The following RIPOR3 variants were observed in gnomAD, a reference collection of about 807,000 sequenced individuals.
RIPOR3 encodes the protein family with sequence similarity 65 member C.
In RIPOR3, 95 loss-of-function variants were observed where a neutral mutation model predicts 114.3. The ratio of observed to expected loss-of-function variants is 0.83; its 90% CI spans 0.70 to 0.99. The LOEUF is 0.99. RIPOR3 is among the 50% of genes least tolerant of loss of function. The pLI, the probability that RIPOR3 is intolerant of heterozygous loss-of-function variation, is 0.00. For synonymous variants in RIPOR3, 575 were observed against 543.8 expected, an observed-to-expected ratio of 1.06 and a Z score of -0.80; for missense variants, 1,252 against 1,266.9, an observed-to-expected ratio of 0.99 and a Z score of 0.18.
chr20:50,596,070 G>A, intron 15 of RIPOR3, 70 bp downstream of exon 15: 1 of 1,600,124 alleles, frequency 6.2e-7, no homozygotes, highest in South Asian at 1.1e-5. Context: ...CCACCTTCAA[G>A]ATGAGCCTTT....
At chr20:50,608,782 T>C (rs1568850911) in intron 9 of RIPOR3, 44 bp from the exon 10 acceptor site, 1 of 1,612,476 alleles carries the variant, frequency 6.2e-7, no homozygotes, top group East Asian at 2.2e-5. Flanking sequence ...CAGGTGGGTG[T>C]CCCCTTGCTG....
Position 50,602,075 on chromosome 20 carries a change from C to A in RIPOR3, c.1656G>T (p.Leu552=). The A allele has an allele frequency of 6.4e-7, 1 of 1,554,574 alleles. No homozygotes were observed. Among genetic ancestry groups the A allele is most frequent in the South Asian group, 1.2e-5 (1 of 84,008 alleles). Residue 552 remains leucine, a synonymous_variant, in exon 13 of 22, where the codon CTG becomes CTT. Transcript: ENST00000327979. The surrounding 1 kb of genome is among the most constrained non-coding windows in gnomAD (Gnocchi z 4.3). ...GCCCGGGGCGGGGTGGCCATACCTTCAGCCGGTCCCGGAAGCCGAGGACCT... is the reference window on the plus strand; with the variant it reads ...GCCCGGGGCGGGGTGGCCATACCTTAAGCCGGTCCCGGAAGCCGAGGACCT... The part of the protein sequence containing the change: ...EYQVLGFRDR[L]KPCRARQEHT...
chr20:50,679,601 CAAAA>C (rs35946931), intron 1 of RIPOR3, among the ~76,000 whole-genome samples: 1 of 120,632 alleles, frequency 8.3e-6, no homozygotes, highest in African/African-American at 3.3e-5. Context: ...ACTAAAAATA[CAAAA>C]AAAAAAAAAA....
chr20:50,603,236 C>T (rs762340475), intron 12 of RIPOR3, among the ~76,000 whole-genome samples: 28 of 152,140 alleles, frequency 1.8e-4, no homozygotes, highest in African/African-American at 2.7e-4. Context: ...CATATAGTTT[C>T]GGTTTTTGTT....
intron 7 of RIPOR3, 86 bp downstream of exon 7, chr20:50,609,487 C>T (rs1340988998): frequency 4.8e-6 from 7 of 1,450,620 alleles, no homozygotes; most frequent in Admixed American, 2.7e-5. Flanking sequence ...CCTCCTCCAG[C>T]CCCCACTGGC....
chr20:50,680,706 C>T (rs2086830370), intron 1 of RIPOR3, among the ~76,000 whole-genome samples: 2 of 152,326 alleles, frequency 1.3e-5, no homozygotes, highest in South Asian at 4.1e-4. Context: ...CCCAAACCAG[C>T]CCAGCCAGAC....
At position 50,610,848 on chromosome 20, in the gene RIPOR3, C is replaced by T. The variant is rs2083950647; in HGVS notation, c.426+5G>A. 6.2e-7 allele frequency: 1 copy of T among 1,614,098 alleles called. No individual in the cohort carries two copies. Among genetic ancestry groups the T allele is most frequent in the Admixed American group, 1.7e-5 (1 of 60,002 alleles). Reference sequence around the variant, plus strand: ...CCACCCTGCAACATCCACGAGCCAGCTGACCTTGCTGATGTGAAACTCCAT... The same window carrying T: ...CCACCCTGCAACATCCACGAGCCAGTTGACCTTGCTGATGTGAAACTCCAT... On this transcript the variant is annotated splice_donor_5th_base_variant and intron_variant, in intron 6 of 21. Coordinates refer to ENST00000327979, the MANE Select transcript of RIPOR3 (RefSeq NM_001290268.2).
chr20:50,609,309 G>A lies in RIPOR3; in HGVS notation c.624C>T (p.Phe208=), dbSNP rs2083856802. The part of the protein sequence containing the change: ...EGALEVHLGE[F]HIRMKGLVGY... ...CCCTGTTACCTTTCATCCTGATGTG[G>A]AACTCGCCCAGGTGAACCTCCAGGG... The change falls in exon 8 of 22, where the codon TTC becomes TTT. Residue 208 remains phenylalanine (F), a synonymous_variant. Coordinates refer to ENST00000327979, the MANE Select transcript of RIPOR3 (RefSeq NM_001290268.2). 1 of 1,613,838 alleles carries A rather than the reference G, an allele frequency of 6.2e-7. No individual in the cohort carries two copies. Among genetic ancestry groups the A allele is most frequent in the South Asian group, 1.1e-5 (1 of 91,074 alleles).
At chr20:50,615,108 A>AGTGTGTGTGTGT (rs56136460) in intron 4 of RIPOR3, among the ~76,000 whole-genome samples, 4,995 of 138,406 alleles carry the variant, frequency 0.036, 167 homozygotes, top group African/African-American at 0.069. Context: ...GCTATTTGTG[A>AGTGTGTGTGTGT]GTGTGTGTGT....
chr20:50,685,229 T>TTC (rs1356767556), intron 1 of RIPOR3, among the ~76,000 whole-genome samples: 2 of 149,574 alleles, frequency 1.3e-5, no homozygotes, highest in African/African-American at 4.9e-5. Flanking sequence ...AGAATTTTTT[T>TTC]TTTTTTTTTT....
At chr20:50,648,352 C>CA (rs2085490371) in intron 1 of RIPOR3, among the ~76,000 whole-genome samples, 1 of 150,664 alleles carries the variant, frequency 6.6e-6, no homozygotes, top group African/African-American at 2.4e-5. Flanking sequence ...AAAAATACTA[C>CA]AAACTGGGTG....
At chr20:50,625,368 G>A (rs952266941) in intron 2 of RIPOR3, among the ~76,000 whole-genome samples, 2 of 152,176 alleles carry the variant, frequency 1.3e-5, no homozygotes, top group East Asian at 1.9e-4. Flanking sequence ...CACCACGCCC[G>A]CCTGGCCTGC....
chr20:50,630,866 G>A lies in RIPOR3; in HGVS notation c.4-10C>T. On this transcript the variant is annotated splice_polypyrimidine_tract_variant and intron_variant, in intron 1 of 21. Coordinates refer to ENST00000327979, the MANE Select transcript of RIPOR3 (RefSeq NM_001290268.2). ...CCGACATGGTGGTCACCTGCAAGGAGAGGACAGGAGAGTCAGCCTGGCATC... is the reference window on the plus strand; with the variant it reads ...CCGACATGGTGGTCACCTGCAAGGAAAGGACAGGAGAGTCAGCCTGGCATC... 2 of 1,579,708 alleles carry A rather than the reference G, an allele frequency of 1.3e-6. No homozygotes were observed. Among genetic ancestry groups the A allele is most frequent in the Non-Finnish European group, 1.7e-6 (2 of 1,161,764 alleles).
intron 20 of RIPOR3, among the ~76,000 whole-genome samples, chr20:50,588,105 C>G (rs573998664): frequency 1.3e-5 from 2 of 152,330 alleles, no homozygotes; most frequent in African/African-American, 2.4e-5. Context: ...CCCTTACACC[C>G]GCTAGGGAGC....
chr20:50,684,854 C>T (rs2086963435), intron 1 of RIPOR3, among the ~76,000 whole-genome samples: 1 of 152,228 alleles, frequency 6.6e-6, no homozygotes, highest in Non-Finnish European at 1.5e-5. Context: ...TGGCTCATTG[C>T]AGCTTCAACT....
chr20:50,589,936 A>T, intron 19 of RIPOR3, 167 bp from the exon 20 acceptor site: 1 of 622,688 alleles, frequency 1.6e-6, no homozygotes, highest in Middle Eastern at 4.4e-4. Flanking sequence ...GTACACAGTC[A>T]CAAGATCTAT....
At chr20:50,650,351 G>A (rs530334838) in intron 1 of RIPOR3, among the ~76,000 whole-genome samples, 9 of 152,228 alleles carry the variant, frequency 5.9e-5, no homozygotes, top group South Asian at 2.1e-4. Context: ...TTGCCAGGCT[G>A]TAGTGCAGTG....
chr20:50,621,005 G>A (rs928761436), intron 2 of RIPOR3: 30 of 506,094 alleles, frequency 5.9e-5, no homozygotes, highest in Middle Eastern at 6.1e-4. Flanking sequence ...ACACATCCAC[G>A]CCAAGAGGAA....
intron 6 of RIPOR3, among the ~76,000 whole-genome samples, chr20:50,610,057 C>CCCTGCCTCA: frequency 7.7e-6 from 1 of 129,186 alleles, no homozygotes; most frequent in Non-Finnish European, 1.6e-5. Flanking sequence ...CCCCTGCCTC[C>CCCTGCCTCA]CCTGCCACCC....
Sources: allele counts gnomAD v4.1 joint callset (sites outside exome capture counted in the v4.1 genomes callset), GRCh38; gene constraint gnomAD v4.1.1; non-coding constraint Gnocchi (gnomAD v3.1); transcripts MANE v1.5; gene names NCBI Gene and HGNC (gene_info 2026-07-23, HGNC 2026-07-21).